Variants in IPCEF1 observed in about 807,000 individuals in gnomAD.
IPCEF1 encodes interactor protein for cytohesin exchange factors 1.
In IPCEF1, 31 loss-of-function variants were observed where a neutral mutation model predicts 50.9. The ratio of observed to expected loss-of-function variants is 0.61; its 90% CI spans 0.46 to 0.82. The LOEUF (loss-of-function observed/expected upper bound fraction) is 0.82, where lower values mean the gene tolerates loss of function less well. IPCEF1 is among the 40% of genes least tolerant of loss of function. The pLI is 0.00. For missense variants in IPCEF1, 458 were observed against 514.0 expected, an observed-to-expected ratio of 0.89 and a Z score of 1.05; for synonymous variants, 181 against 192.0, an observed-to-expected ratio of 0.94 and a Z score of 0.47.
chr6:154,323,908 G>A (rs757775756), intron 1 of IPCEF1, among the ~76,000 whole-genome samples: 20 of 152,300 alleles, frequency 1.3e-4, no homozygotes, highest in Non-Finnish European at 1.8e-4. Flanking sequence ...AGCCAAGGTC[G>A]TGCCATTGCA....
At chr6:154,223,918 T>G (rs1441305969) in intron 5 of IPCEF1, among the ~76,000 whole-genome samples, 5 of 152,214 alleles carry the variant, frequency 3.3e-5, no homozygotes, top group African/African-American at 4.8e-5. Flanking sequence ...AAAATTATAT[T>G]TATGAGGACG....
chr6:154,268,888 T>A (rs1781825512), intron 2 of IPCEF1, among the ~76,000 whole-genome samples: 1 of 152,148 alleles, frequency 6.6e-6, no homozygotes, highest in Non-Finnish European at 1.5e-5. Flanking sequence ...GGTCACTCCA[T>A]CAAGAAAACC....
chr6:154,296,193 C>A (rs1274661260), intron 1 of IPCEF1, among the ~76,000 whole-genome samples: 1 of 152,146 alleles, frequency 6.6e-6, no homozygotes, highest in Non-Finnish European at 1.5e-5. Context: ...CCCTTTTGGG[C>A]AAGCAGATTC....
intron 2 of IPCEF1, among the ~76,000 whole-genome samples, chr6:154,275,060 A>C (rs1194175465): frequency 6.6e-6 from 1 of 152,122 alleles, no homozygotes; most frequent in East Asian, 1.9e-4. Flanking sequence ...ACATAAACAC[A>C]CACACCCTAG....
At chr6:154,233,923 G>C (rs77487994) in intron 5 of IPCEF1, among the ~76,000 whole-genome samples, 4,112 of 152,268 alleles carry the variant, frequency 0.027, 86 homozygotes, top group Middle Eastern at 0.041. Context: ...AATGCCCCCA[G>C]CTAGGCCGGA....
At chr6:154,217,969 T>C (rs1778546978) in intron 7 of IPCEF1, among the ~76,000 whole-genome samples, 1 of 152,240 alleles carries the variant, frequency 6.6e-6, no homozygotes. Context: ...CCAAAACTTG[T>C]AACCTTTTCA....
At chr6:154,206,396 G>A (rs150114528) in intron 9 of IPCEF1, among the ~76,000 whole-genome samples, 1 of 152,236 alleles carries the variant, frequency 6.6e-6, no homozygotes, top group Non-Finnish European at 1.5e-5. Context: ...AATTTGCGGG[G>A]GTTGTGGATG....
intron 10 of IPCEF1, among the ~76,000 whole-genome samples, 166 bp downstream of exon 10, chr6:154,199,502 C>G (rs1453314137): frequency 6.6e-6 from 1 of 152,202 alleles, no homozygotes; most frequent in Non-Finnish European, 1.5e-5. Context: ...TGGAGTTGTC[C>G]ACATGCAAAC....
chr6:154,204,267 G>A lies in IPCEF1; in HGVS notation c.538-4227C>T, dbSNP rs140678769. Among the ~76,000 whole-genome samples the A allele has an allele frequency of 1.5e-4, 23 of 152,200 alleles. No individual in the cohort carries two copies. The East Asian group carries it at 2.1e-3, about 14-fold the overall frequency. On this transcript the variant is annotated intron_variant, in intron 9 of 11. Transcript: ENST00000367220. ...GTTTTTCAAACACAAGTTTGACATGGTGAAAAAATAGTTTAAAATGGCCAC... is the reference window on the plus strand; with the variant it reads ...GTTTTTCAAACACAAGTTTGACATGATGAAAAAATAGTTTAAAATGGCCAC...
intron 1 of IPCEF1, among the ~76,000 whole-genome samples, chr6:154,307,342 G>A (rs572703506): frequency 1.1e-4 from 17 of 152,242 alleles, no homozygotes; most frequent in South Asian, 6.2e-4. Flanking sequence ...TTTGCCTGCC[G>A]CCATCCATGT....
intron 1 of IPCEF1, among the ~76,000 whole-genome samples, chr6:154,335,771 A>G (rs890378829): frequency 6.6e-6 from 1 of 152,260 alleles, no homozygotes; most frequent in African/African-American, 2.4e-5. Flanking sequence ...TATTCAGAAT[A>G]ACAAGGAACT....
intron 10 of IPCEF1, among the ~76,000 whole-genome samples, chr6:154,192,641 C>T (rs1303634355): frequency 3.0e-5 from 3 of 100,706 alleles, no homozygotes; most frequent in Non-Finnish European, 4.3e-5. Context: ...CCAGAATCTA[C>T]AAGGAACACA....
chr6:154,223,297 G>T, intron 5 of IPCEF1, 54 bp from the exon 6 acceptor site: 1 of 1,328,216 alleles, frequency 7.5e-7, no homozygotes, highest in Non-Finnish European at 1.1e-6. Context: ...CTGGGGATTA[G>T]TGCATTGAGA....
chr6:154,328,534 G>A (rs1245588627), intron 1 of IPCEF1, among the ~76,000 whole-genome samples: 1 of 151,748 alleles, frequency 6.6e-6, no homozygotes, highest in African/African-American at 2.4e-5. Context: ...CAGCCCAAGA[G>A]TTCAAGACCA....
At chr6:154,174,768 C>T (rs1321878714) in intron 10 of IPCEF1, among the ~76,000 whole-genome samples, 1 of 152,116 alleles carries the variant, frequency 6.6e-6, no homozygotes, top group Non-Finnish European at 1.5e-5. Context: ...ATCAACAAGA[C>T]AGAAAATTAA....
intron 10 of IPCEF1, among the ~76,000 whole-genome samples, chr6:154,198,631 T>TACACACACACAC (rs3070838): frequency 0.024 from 3,582 of 146,758 alleles, 82 homozygotes; most frequent in African/African-American, 0.055. Flanking sequence ...AAATATTACA[T>TACACACACACAC]ACACACACAC....
At chr6:154,244,293 T>G (rs921374826) in intron 5 of IPCEF1, among the ~76,000 whole-genome samples, 14 of 74,694 alleles carry the variant, frequency 1.9e-4, no homozygotes, top group African/African-American at 4.9e-4. Flanking sequence ...TCGGTGTGTG[T>G]GTGGGTGGGT....
chr6:154,185,015 A>C (rs1459627611), intron 10 of IPCEF1, among the ~76,000 whole-genome samples: 1 of 152,186 alleles, frequency 6.6e-6, no homozygotes, highest in Non-Finnish European at 1.5e-5. Context: ...TTTTCCTAAA[A>C]AGTAAAAAAA....
At chr6:154,295,194 T>C (rs1279477921) in intron 1 of IPCEF1, among the ~76,000 whole-genome samples, 1 of 150,314 alleles carries the variant, frequency 6.7e-6, no homozygotes, top group Non-Finnish European at 1.5e-5. Context: ...TGAGACACCA[T>C]CTCAAAAAAA....
Sources: gnomAD v4.1 joint callset for allele counts (sites outside exome capture counted in the v4.1 genomes callset) on GRCh38, gnomAD v4.1.1 for gene constraint, MANE v1.5 for transcripts, NCBI Gene and HGNC (gene_info 2026-07-23, HGNC 2026-07-21) for gene names.